C8orf76: variants seen among roughly 807,000 people sequenced by gnomAD.
C8orf76 encodes chromosome 8 open reading frame 76, also known as uncharacterized protein C8orf76.
C8orf76 carries 46 observed loss-of-function variants against 38.1 expected under a neutral mutation model. That is an observed-to-expected ratio of 1.21 (90% CI 0.95 to 1.54). The LOEUF (loss-of-function observed/expected upper bound fraction) is 1.54, where lower values mean the gene tolerates loss of function less well. Among genes scored for constraint, C8orf76 ranks in the 40% most tolerant of loss-of-function variants. The pLI is 0.00. For missense variants in C8orf76, 461 were observed against 441.6 expected, an observed-to-expected ratio of 1.04 and a Z score of -0.39; for synonymous variants, 166 against 167.5, an observed-to-expected ratio of 0.99 and a Z score of 0.07.
At chr8:123,222,664 G>A (rs559274236) in intron 5 of C8orf76, among the ~76,000 whole-genome samples, 148 of 152,190 alleles carry the variant, frequency 9.7e-4, no homozygotes, top group Admixed American at 2.7e-3. Flanking sequence ...GCAAGACTAG[G>A]CATTTGACAT....
chr8:123,229,771 C>G (rs971683265), intron 4 of C8orf76, among the ~76,000 whole-genome samples: 3 of 152,182 alleles, frequency 2.0e-5, no homozygotes, highest in African/African-American at 7.2e-5. Context: ...AATCCCAGCA[C>G]TCTGGGAAGC....
At chr8:123,232,665 C>T (rs929892593) in intron 3 of C8orf76, among the ~76,000 whole-genome samples, 2 of 152,166 alleles carry the variant, frequency 1.3e-5, no homozygotes, top group East Asian at 1.9e-4. Flanking sequence ...TGAAGGCCTG[C>T]GGGCAGCTCT....
chr8:123,230,261 C>T (rs910469398), intron 4 of C8orf76, among the ~76,000 whole-genome samples: 3 of 152,128 alleles, frequency 2.0e-5, no homozygotes, highest in Non-Finnish European at 1.5e-5. Flanking sequence ...TAGGCACAAA[C>T]CATGGGAATT....
At position 123,222,698 on chromosome 8, in the gene C8orf76, G is replaced by GA. The variant is rs569947649; in HGVS notation, c.949-2402dup. Among the ~76,000 whole-genome samples, 20 of 152,136 alleles carry GA rather than the reference G, an allele frequency of 1.3e-4. No individual in the cohort carries two copies. In the South Asian group the frequency reaches 4.1e-3, roughly 31 times the overall value. On this transcript the variant is annotated intron_variant, in intron 5 of 5. Transcript: ENST00000276704. Reference sequence around the variant, plus strand: ...ATGATACAAATGGCCAATAACACATGAAAAAATTGTTCATCTTAATAGTAA... The same window carrying GA: ...ATGATACAAATGGCCAATAACACATGAAAAAAATTGTTCATCTTAATAGTAA...
At chr8:123,224,034 C>A (rs186043317) in intron 5 of C8orf76, among the ~76,000 whole-genome samples, 1 of 151,696 alleles carries the variant, frequency 6.6e-6, no homozygotes. Context: ...ATGGTCATGG[C>A]GGCACAACAC....
intron 5 of C8orf76, 129 bp from the exon 6 acceptor site, chr8:123,220,426 C>T (rs185592162): frequency 3.8e-5 from 25 of 650,378 alleles, no homozygotes; most frequent in Middle Eastern, 3.8e-4. Context: ...ATTCCCAACA[C>T]ATTGAAAAGA....
intron 3 of C8orf76, among the ~76,000 whole-genome samples, chr8:123,233,818 G>A (rs1393174691): frequency 1.3e-5 from 2 of 151,910 alleles, no homozygotes; most frequent in African/African-American, 2.4e-5. Context: ...CATGAGTTCA[G>A]GAGATCGAGA....
intron 3 of C8orf76, among the ~76,000 whole-genome samples, chr8:123,233,679 C>A (rs1260252490): frequency 6.6e-6 from 1 of 152,056 alleles, no homozygotes; most frequent in African/African-American, 2.4e-5. Flanking sequence ...TGAGCCACTG[C>A]GCCCTGTCAA....
At chr8:123,232,833 T>C (rs550959403) in intron 3 of C8orf76, among the ~76,000 whole-genome samples, 2 of 152,316 alleles carry the variant, frequency 1.3e-5, no homozygotes, top group African/African-American at 4.8e-5. Flanking sequence ...ATAAGAGCTT[T>C]TGTTCAATGT....
At chr8:123,240,088 A>G (rs1825631587) in intron 1 of C8orf76, 1 of 152,558 alleles carries the variant, frequency 6.6e-6, no homozygotes, top group Non-Finnish European at 1.5e-5. Flanking sequence ...ATTTTCATAT[A>G]CATTATCTCA....
chr8:123,236,981 C>G, intron 3 of C8orf76: 1 of 1,549,102 alleles, frequency 6.5e-7, no homozygotes, highest in Non-Finnish European at 8.9e-7. Flanking sequence ...GGGCAAACAG[C>G]TGGAGGATGG....
At chr8:123,226,736 G>GC (rs1825058582) in intron 4 of C8orf76, 104 bp from the exon 5 acceptor site, 1 of 1,459,654 alleles carries the variant, frequency 6.9e-7, no homozygotes, top group African/African-American at 1.4e-5. Context: ...TGAGTCGGCT[G>GC]CAAGTCCCAC....
At chr8:123,237,986 A>G (rs1384041555) in intron 2 of C8orf76, 45 bp from the exon 3 acceptor site, 4 of 1,585,132 alleles carry the variant, frequency 2.5e-6, no homozygotes, top group Non-Finnish European at 3.4e-6. Context: ...AGGAAAACAT[A>G]ACAGAAAAAA....
chr8:123,230,057 T>C (rs752548492), intron 4 of C8orf76, among the ~76,000 whole-genome samples: 1 of 152,142 alleles, frequency 6.6e-6, no homozygotes, highest in Non-Finnish European at 1.5e-5. Flanking sequence ...GCCAAATAGA[T>C]ACCACTTCTC....
intron 1 of C8orf76, among the ~76,000 whole-genome samples, chr8:123,240,751 A>G (rs1825654793): frequency 6.6e-6 from 1 of 152,226 alleles, no homozygotes; most frequent in Non-Finnish European, 1.5e-5. Flanking sequence ...AAGACTTCCT[A>G]GAGGAGATGA....
chr8:123,238,857 A>T, intron 2 of C8orf76, 192 bp downstream of exon 2: 1 of 538,664 alleles, frequency 1.9e-6, no homozygotes, highest in Non-Finnish European at 3.3e-6. Context: ...TGTTGGAGTT[A>T]CAGAAAACAA....
chr8:123,235,444 G>A (rs1825430174), intron 3 of C8orf76, among the ~76,000 whole-genome samples: 1 of 152,142 alleles, frequency 6.6e-6, no homozygotes, highest in Non-Finnish European at 1.5e-5. Flanking sequence ...CAAAAGGCGA[G>A]GGTCCTCAGG....
At chr8:123,233,616 G>T (rs1293761541) in intron 3 of C8orf76, among the ~76,000 whole-genome samples, 4 of 152,024 alleles carry the variant, frequency 2.6e-5, no homozygotes, top group African/African-American at 4.8e-5. Flanking sequence ...GGCTGGTCTT[G>T]AACTCCTGAC....
chr8:123,223,731 A>C (rs1270603415), intron 5 of C8orf76, among the ~76,000 whole-genome samples: 10 of 152,256 alleles, frequency 6.6e-5, no homozygotes, highest in Non-Finnish European at 1.2e-4. Context: ...ATGAGTAGAT[A>C]AACAAAATGA....
Sources: gnomAD v4.1 joint callset for allele counts (sites outside exome capture counted in the v4.1 genomes callset) on GRCh38, gnomAD v4.1.1 for gene constraint, MANE v1.5 for transcripts, NCBI Gene and HGNC (gene_info 2026-07-23, HGNC 2026-07-21) for gene names.